The following C12orf42 variants were observed in gnomAD, a reference collection of about 807,000 sequenced individuals.
C12orf42 encodes the protein uncharacterized protein C12orf42.
C12orf42 carries 25 observed loss-of-function variants against 21.6 expected under a neutral mutation model. The observed-to-expected ratio is 1.16, with a 90% CI of 0.84 to 1.62. The LOEUF (loss-of-function observed/expected upper bound fraction) is 1.62. Among genes scored for constraint, C12orf42 ranks in the 40% most tolerant of loss-of-function variants. C12orf42 has a pLI of 0.00. For missense variants in C12orf42, 483 were observed against 459.3 expected, an observed-to-expected ratio of 1.05 and a Z score of -0.47; for synonymous variants, 174 against 175.0, an observed-to-expected ratio of 0.99 and a Z score of 0.05.
the C12orf42 span, among the ~76,000 whole-genome samples, chr12:103,099,040 T>C: frequency 6.6e-6 from 1 of 152,202 alleles, no homozygotes; most frequent in African/African-American, 2.4e-5. Flanking sequence ...CAGTTAGATA[T>C]TGTTTGTCAA....
downstream of C12orf42, among the ~76,000 whole-genome samples, chr12:103,237,222 T>A (rs946206870): frequency 6.6e-6 from 1 of 152,172 alleles, no homozygotes; most frequent in Non-Finnish European, 1.5e-5. Context: ...CAGTGTTGGC[T>A]GCTTTTCCTG....
chr12:103,349,260 T>C (rs1004629499), intron 4 of C12orf42: 1 of 152,178 alleles, frequency 6.6e-6, no homozygotes, highest in African/African-American at 2.4e-5. Flanking sequence ...TGGCAGCTTC[T>C]GTTAGTTGTA....
intron 4 of C12orf42, among the ~76,000 whole-genome samples, chr12:103,287,971 TG>T (rs2036579067): frequency 6.6e-6 from 1 of 152,184 alleles, no homozygotes; most frequent in South Asian, 2.1e-4. Context: ...ATTTCAATGC[TG>T]TAAATGACCA....
chr12:103,342,028 G>A (rs1307999788), intron 4 of C12orf42, among the ~76,000 whole-genome samples: 1 of 152,306 alleles, frequency 6.6e-6, no homozygotes, highest in South Asian at 2.1e-4. Flanking sequence ...TCGAGAGAGA[G>A]AGAGAGATCT....
chr12:103,199,495 A>G, the C12orf42 span, among the ~76,000 whole-genome samples: 16 of 152,216 alleles, frequency 1.1e-4, no homozygotes, highest in Non-Finnish European at 2.1e-4. Flanking sequence ...CCTCACAGCC[A>G]AGAATACAGT....
the C12orf42 span, among the ~76,000 whole-genome samples, chr12:103,227,793 G>A: frequency 1.1e-4 from 17 of 152,274 alleles, no homozygotes; most frequent in East Asian, 3.9e-4. Flanking sequence ...GTCCATGACC[G>A]GCGCCGGAGT....
At chr12:103,049,362 C>A in the C12orf42 span, among the ~76,000 whole-genome samples, 1 of 152,162 alleles carries the variant, frequency 6.6e-6, no homozygotes, top group African/African-American at 2.4e-5. Flanking sequence ...ATCAGCAAGT[C>A]CTCTTGATTC....
intron 2 of C12orf42, among the ~76,000 whole-genome samples, chr12:103,404,411 G>A (rs1020077843): frequency 1.3e-5 from 2 of 152,220 alleles, no homozygotes; most frequent in Non-Finnish European, 2.9e-5. Flanking sequence ...TCATTAACCT[G>A]ATTTTCTAAT....
At chr12:103,447,491 G>A (rs1951654597) in intron 2 of C12orf42, among the ~76,000 whole-genome samples, 1 of 151,924 alleles carries the variant, frequency 6.6e-6, no homozygotes, top group African/African-American at 2.4e-5. Context: ...TGGTAAAAAG[G>A]AAGTCAAACT....
the C12orf42 span, among the ~76,000 whole-genome samples, chr12:103,099,948 G>T: frequency 6.6e-5 from 10 of 152,164 alleles, no homozygotes; most frequent in Non-Finnish European, 1.3e-4. Flanking sequence ...ACTTTGATTA[G>T]AATTTCCTCT....
intron 4 of C12orf42, among the ~76,000 whole-genome samples, chr12:103,277,917 T>C (rs1342271938): frequency 6.6e-6 from 1 of 152,126 alleles, no homozygotes; most frequent in Non-Finnish European, 1.5e-5. Context: ...CTGCACCCGA[T>C]GAGCACAATT....
chr12:103,491,959 T>TTTTG lies in C12orf42; in HGVS notation c.-22+3939_-22+3942dup, dbSNP rs1555216416. 2.8e-3 allele frequency among the ~76,000 whole-genome samples: 432 copies of TTTTG among 151,606 alleles called. 2 individuals are homozygous for TTTTG. Among genetic ancestry groups the TTTTG allele is most frequent in the East Asian group, 6.0e-3 (31 of 5,138 alleles). On this transcript the variant is annotated intron_variant, in intron 1 of 5. Transcript: ENST00000548883. ...CTCCTTGTTTTCAATTTTGTTTTTT[T>TTTTG]TTTGTTTGTTTGTTTAAGATAGAGT...
intron 1 of C12orf42, among the ~76,000 whole-genome samples, chr12:103,483,680 T>C (rs1205651872): frequency 6.6e-6 from 1 of 152,188 alleles, no homozygotes; most frequent in Non-Finnish European, 1.5e-5. Context: ...TTGTTTATTA[T>C]ACTTTAAGTT....
intron 4 of C12orf42, among the ~76,000 whole-genome samples, chr12:103,339,970 C>G (rs759599691): frequency 6.6e-6 from 1 of 152,118 alleles, no homozygotes; most frequent in Non-Finnish European, 1.5e-5. Context: ...AAAAAATTAG[C>G]GTGTCAGTCT....
At chr12:103,490,596 T>A (rs1458227841) in intron 1 of C12orf42, among the ~76,000 whole-genome samples, 1 of 152,088 alleles carries the variant, frequency 6.6e-6, no homozygotes, top group Non-Finnish European at 1.5e-5. Flanking sequence ...CTGTTTTACA[T>A]CTTATTTAAT....
the C12orf42 span, among the ~76,000 whole-genome samples, chr12:103,134,018 C>T: frequency 6.6e-6 from 1 of 152,220 alleles, no homozygotes; most frequent in Non-Finnish European, 1.5e-5. Context: ...ATTACCCAGT[C>T]TCAAGTATGT....
chr12:103,504,710 C>A, the C12orf42 span: 1 of 152,872 alleles, frequency 6.5e-6, no homozygotes, highest in Non-Finnish European at 1.5e-5. Context: ...AAGGCAGCCC[C>A]CGGACAGGTC....
chr12:103,116,571 A>G, the C12orf42 span, among the ~76,000 whole-genome samples: 8,887 of 152,114 alleles, frequency 0.058, 359 homozygotes, highest in Middle Eastern at 0.11. Context: ...TTAATAAAAA[A>G]CAGTGAGTAT....
the C12orf42 span, among the ~76,000 whole-genome samples, chr12:103,523,200 G>A: frequency 2.0e-4 from 31 of 152,252 alleles, no homozygotes; most frequent in Admixed American, 4.6e-4. Flanking sequence ...GTCACTTGGC[G>A]GTCTATGGAG....
Sources: allele counts gnomAD v4.1 joint callset (sites outside exome capture counted in the v4.1 genomes callset), GRCh38; gene constraint gnomAD v4.1.1; transcripts MANE v1.5; gene names NCBI Gene and HGNC (gene_info 2026-07-23, HGNC 2026-07-21).